FAM185A: variants seen among roughly 807,000 people sequenced by gnomAD.
The protein encoded by FAM185A is protein FAM185A.
Under a neutral mutation model 45.7 loss-of-function variants are expected in FAM185A, and 21 were observed. The observed-to-expected ratio is 0.46, with a 90% CI of 0.33 to 0.66. The LOEUF (loss-of-function observed/expected upper bound fraction) is 0.66. Among genes scored for constraint, FAM185A ranks in the 30% least tolerant of loss-of-function variants. The pLI is 0.03. For missense variants in FAM185A, 305 were observed against 485.4 expected (o/e 0.63, Z 3.49); for synonymous variants, 117 against 194.0 (o/e 0.60, Z 3.30).
At chr7:102,799,552 A>G (rs1473960753) in intron 7 of FAM185A, among the ~76,000 whole-genome samples, 2 of 152,242 alleles carry the variant, frequency 1.3e-5, no homozygotes, top group South Asian at 4.1e-4. Context: ...GAAGAGGATC[A>G]TTCTGTATTT....
At chr7:102,796,700 CA>C (rs1796453259) in intron 7 of FAM185A, among the ~76,000 whole-genome samples, 1 of 151,678 alleles carries the variant, frequency 6.6e-6, no homozygotes, top group African/African-American at 2.4e-5. Flanking sequence ...ATGCAAAGAG[CA>C]AAAAAACCCA....
chr7:102,806,231 C>T (rs1444111253), intron 7 of FAM185A, among the ~76,000 whole-genome samples: 2 of 152,148 alleles, frequency 1.3e-5, no homozygotes, highest in Non-Finnish European at 2.9e-5. Flanking sequence ...GTTGCCTAGG[C>T]TGGAGTGCAA....
intron 6 of FAM185A, among the ~76,000 whole-genome samples, chr7:102,778,365 G>T (rs1242964251): frequency 6.6e-6 from 1 of 152,258 alleles, no homozygotes; most frequent in Admixed American, 6.5e-5. Flanking sequence ...ATACTCTTCA[G>T]GGAAAATTAT....
chr7:102,781,986 G>A (rs1286866934), intron 6 of FAM185A, among the ~76,000 whole-genome samples: 4 of 152,186 alleles, frequency 2.6e-5, no homozygotes, highest in African/African-American at 4.8e-5. Context: ...GAAAACCAAG[G>A]CATGAGAACT....
At chr7:102,818,623 G>A in the FAM185A span, among the ~76,000 whole-genome samples, 4 of 152,102 alleles carry the variant, frequency 2.6e-5, no homozygotes, top group Admixed American at 1.3e-4. Flanking sequence ...GGGACTGTCC[G>A]AGTTTAAGCT....
chr7:102,772,745 C>T (rs1487751050), intron 5 of FAM185A, among the ~76,000 whole-genome samples: 2 of 151,110 alleles, frequency 1.3e-5, no homozygotes, highest in African/African-American at 4.9e-5. Flanking sequence ...TAAATTAAGT[C>T]CTTGAAAGAA....
intron 7 of FAM185A, among the ~76,000 whole-genome samples, chr7:102,803,264 C>A (rs1223985930): frequency 6.6e-6 from 1 of 152,126 alleles, no homozygotes; most frequent in Non-Finnish European, 1.5e-5. Context: ...CTGATGAACA[C>A]AGACGCTAAA....
chr7:102,834,068 G>GAAAA, the FAM185A span, among the ~76,000 whole-genome samples: 2 of 113,074 alleles, frequency 1.8e-5, no homozygotes, highest in Non-Finnish European at 1.7e-5. Context: ...AAGGAAGGAA[G>GAAAA]GAAGGAAGGA....
chr7:102,754,849 C>T (rs1793605790), intron 2 of FAM185A, among the ~76,000 whole-genome samples: 1 of 152,174 alleles, frequency 6.6e-6, no homozygotes, highest in Non-Finnish European at 1.5e-5. Context: ...TTTTTAAATG[C>T]AGTATAATTT....
chr7:102,782,829 T>C (rs1484413722), intron 6 of FAM185A, among the ~76,000 whole-genome samples: 1 of 152,070 alleles, frequency 6.6e-6, no homozygotes, highest in African/African-American at 2.4e-5. Context: ...ATGGGCTAAA[T>C]GCTCCAATTA....
intron 4 of FAM185A, among the ~76,000 whole-genome samples, chr7:102,765,167 G>A (rs1263413509): frequency 2.6e-5 from 4 of 152,130 alleles, no homozygotes; most frequent in East Asian, 1.9e-4. Context: ...GATTGCAACC[G>A]CAAATTCCAT....
chr7:102,795,560 T>C (rs1796396336), intron 7 of FAM185A, among the ~76,000 whole-genome samples: 1 of 152,330 alleles, frequency 6.6e-6, no homozygotes, highest in East Asian at 1.9e-4. Flanking sequence ...AAAAGGGAAC[T>C]GCTCTTGAGT....
At chr7:102,850,247 G>C in the FAM185A span, among the ~76,000 whole-genome samples, 1 of 151,878 alleles carries the variant, frequency 6.6e-6, no homozygotes, top group Non-Finnish European at 1.5e-5. Flanking sequence ...AAAATGTCTG[G>C]ACCCCACAGA....
intron 7 of FAM185A, among the ~76,000 whole-genome samples, chr7:102,803,535 T>C (rs1247747322): frequency 1.3e-5 from 2 of 152,116 alleles, no homozygotes. Flanking sequence ...CATACCTCAA[T>C]GTAATAAAAG....
the FAM185A span, among the ~76,000 whole-genome samples, chr7:102,849,286 GA>G: frequency 6.6e-6 from 1 of 152,174 alleles, no homozygotes; most frequent in African/African-American, 2.4e-5. Flanking sequence ...GTTGTTCTCA[GA>G]AAAGAACTAA....
chr7:102,808,655 CAG>C lies in FAM185A; in HGVS notation c.*254_*255del. 1 of 345,090 alleles carries C rather than the reference CAG, an allele frequency of 2.9e-6. No individual in the cohort carries two copies. Among genetic ancestry groups the C allele is most frequent in the Non-Finnish European group, 5.4e-6 (1 of 185,440 alleles). 21.4% of individuals were successfully genotyped at this position (345,090 alleles called of 1,614,324 possible). A position where few individuals can be genotyped will look rare whatever the true frequency, so the allele number is the denominator to read the frequency against. Reference sequence around the variant, plus strand: ...TACAGCTATGTCTAGGTTCTCCGCTCAGGGAATCACAAGGCTAGAAATCAAGA... The same window carrying C: ...TACAGCTATGTCTAGGTTCTCCGCTCGGAATCACAAGGCTAGAAATCAAGA... On this transcript the variant is annotated 3_prime_UTR_variant, in exon 8 of 8. Transcript: ENST00000413034.
chr7:102,829,716 G>C, the FAM185A span, among the ~76,000 whole-genome samples: 1 of 152,154 alleles, frequency 6.6e-6, no homozygotes, highest in Non-Finnish European at 1.5e-5. Flanking sequence ...TTCGAGGTGA[G>C]GTGGTTGCAA....
chr7:102,834,577 A>G, the FAM185A span: 1 of 151,716 alleles, frequency 6.6e-6, no homozygotes, highest in Admixed American at 6.6e-5. Flanking sequence ...TGCTTGGCAC[A>G]TAGTAAGCAC....
the FAM185A span, among the ~76,000 whole-genome samples, chr7:102,834,084 A>AAGGAAGGAAG: frequency 5.0e-4 from 51 of 101,124 alleles, no homozygotes; most frequent in South Asian, 2.3e-3. Context: ...AAGGAAGGAA[A>AAGGAAGGAAG]GAAAAGAAAG....
Sources: allele counts gnomAD v4.1 joint callset (sites outside exome capture counted in the v4.1 genomes callset), GRCh38; gene constraint gnomAD v4.1.1; transcripts MANE v1.5; gene names NCBI Gene and HGNC (gene_info 2026-07-23, HGNC 2026-07-21).